Variants in KIAA1549 observed in about 807,000 individuals in gnomAD.
KIAA1549 encodes KIAA1549.
KIAA1549 carries 70 observed loss-of-function variants against 156.4 expected under a neutral mutation model. That is an observed-to-expected ratio of 0.45 (90% CI 0.37 to 0.55). The LOEUF is 0.55. Among genes scored for constraint, KIAA1549 ranks in the 20% least tolerant of loss-of-function variants. KIAA1549 has a pLI of 0.00. For synonymous variants in KIAA1549, 1,103 were observed against 1,066.4 expected, an observed-to-expected ratio of 1.03 and a Z score of -0.67; for missense variants, 2,428 against 2,540.9, an observed-to-expected ratio of 0.96 and a Z score of 0.96.
At position 138,918,603 on chromosome 7, in the gene KIAA1549, T is replaced by A; in HGVS notation, c.1023A>T (p.Thr341=). Residue 341 remains threonine, a synonymous_variant, in exon 2 of 20, where the codon ACA becomes ACT. Transcript: ENST00000422774. This position sits in a 1 kb window ranked among gnomAD's most constrained non-coding sequence, Gnocchi z 4.2. Reference sequence around the variant, plus strand: ...CGTGCGATGCAGTCACAGTGGGGTATGTTCTTGGAGAGATGGTTTCTTCTA... The same window carrying A: ...CGTGCGATGCAGTCACAGTGGGGTAAGTTCTTGGAGAGATGGTTTCTTCTA... The part of the protein sequence containing the change: ...QSLEETISPR[T]YPTVTASHAA... The A allele has an allele frequency of 6.2e-7, 1 of 1,613,936 alleles. No homozygotes were observed. The highest frequency in any genetic ancestry group is 8.5e-7 in the Non-Finnish European group (1 of 1,179,876).
At chr7:138,842,979 G>A (rs908575030) in intron 18 of KIAA1549, among the ~76,000 whole-genome samples, 4 of 152,120 alleles carry the variant, frequency 2.6e-5, no homozygotes, top group African/African-American at 9.7e-5. Context: ...GAGTGAGCCT[G>A]GATTTCCAGA....
At chr7:138,903,820 TG>T in intron 7 of KIAA1549, 84 bp from the exon 8 acceptor site, 1 of 311,402 alleles carries the variant, frequency 3.2e-6, no homozygotes, top group African/African-American at 7.4e-5. Flanking sequence ...TGTGTGTGTG[TG>T]TGTGTGTGTG....
At chr7:138,968,402 T>C (rs1269849488) in intron 1 of KIAA1549, among the ~76,000 whole-genome samples, 1 of 152,102 alleles carries the variant, frequency 6.6e-6, no homozygotes, top group Non-Finnish European at 1.5e-5. Context: ...TTACCCATCT[T>C]GTATTAATAT....
chr7:138,954,622 C>G (rs948139793), intron 1 of KIAA1549, among the ~76,000 whole-genome samples: 3 of 152,222 alleles, frequency 2.0e-5, no homozygotes, highest in East Asian at 1.9e-4. Context: ...CCCCTCCCCC[C>G]ACAACAATGC....
chr7:138,864,847 A>G (rs1377137988), intron 15 of KIAA1549, among the ~76,000 whole-genome samples: 1 of 152,248 alleles, frequency 6.6e-6, no homozygotes, highest in Non-Finnish European at 1.5e-5. Flanking sequence ...TATGAGTCAT[A>G]TAGTCTGTCA....
chr7:138,950,824 T>C (rs904558633), intron 1 of KIAA1549, among the ~76,000 whole-genome samples: 1 of 152,074 alleles, frequency 6.6e-6, no homozygotes, highest in Admixed American at 6.5e-5. Context: ...ATGCTCTCTC[T>C]ACCCTGCTGA....
At chr7:138,924,552 C>T (rs1285456668) in intron 1 of KIAA1549, among the ~76,000 whole-genome samples, 2 of 152,064 alleles carry the variant, frequency 1.3e-5, no homozygotes, top group South Asian at 2.1e-4. Context: ...GGACAGGGTA[C>T]GGGGAGGGCA....
Position 138,917,176 on chromosome 7 carries a change from G to C in KIAA1549, c.2450C>G (p.Ala817Gly), listed in dbSNP as rs1161897662. 2 of 1,613,972 alleles carry C rather than the reference G, an allele frequency of 1.2e-6. No individual in the cohort carries two copies. The highest frequency in any genetic ancestry group is 2.2e-5 in the East Asian group (1 of 44,886). The stretch of plus-strand genomic sequence containing the variant: ...CAGGACAGACACGTGACCGTCTAGA[G>C]CACTGATTTGGTCGTCAGGAGGTGT... ...TLTPPDDQIS[A>G]LDGHVSVLAS... The change falls in exon 2 of 20, where the codon GCT becomes GGT. Residue 817 changes from alanine to glycine, a missense_variant. By Grantham distance (60) the Ala-to-Gly change is moderately conservative. Around this residue, in one of 5 missense-constraint regions of KIAA1549, gnomAD observed 762 missense variants for 901.6 expected, o/e 0.85. Coordinates refer to ENST00000422774, the MANE Select transcript of KIAA1549 (RefSeq NM_001164665.2).
rs920024728 is a variant in KIAA1549, at chr7:138,981,367, C to G, written c.-98G>C. 3 of 414,536 alleles carry G rather than the reference C, an allele frequency of 7.2e-6. No homozygotes were observed. Among genetic ancestry groups the G allele is most frequent in the Non-Finnish European group, 6.4e-6 (2 of 311,668 alleles). The allele number at this position is 414,536 out of a possible 1,614,324, so 25.7% of individuals were successfully genotyped here. On this transcript the variant is annotated 5_prime_UTR_variant, in exon 1 of 20. Transcript: ENST00000422774. The surrounding 1 kb of genome is among the most constrained non-coding windows in gnomAD (Gnocchi z 4.5). ...GCGGCTGGGACGGGGCGCCGCGCACCGGCGCGGAGGGAGGCCGGAGAGGCG... is the reference window on the plus strand; with the variant it reads ...GCGGCTGGGACGGGGCGCCGCGCACGGGCGCGGAGGGAGGCCGGAGAGGCG...
chr7:138,921,486 A>C (rs1479790893), intron 1 of KIAA1549, among the ~76,000 whole-genome samples: 1 of 152,198 alleles, frequency 6.6e-6, no homozygotes, highest in Non-Finnish European at 1.5e-5. Context: ...ATTCGGAAAC[A>C]GGGTCAGTGT....
chr7:138,837,701 A>G lies in KIAA1549; in HGVS notation c.*205T>C. 1.7e-6 allele frequency: 1 copy of G among 600,342 alleles called. No individual in the cohort carries two copies. The highest frequency in any genetic ancestry group is 2.8e-5 in the East Asian group (1 of 35,564). 37.2% of individuals were successfully genotyped at this position (600,342 alleles called of 1,614,324 possible). A position where few individuals can be genotyped will look rare whatever the true frequency, so the allele number is the denominator to read the frequency against. Reference sequence around the variant, plus strand: ...AATACATATATTTCAACTGAACCCAAGTGTTCAGACAATTGCCAGCCCAGT... The same window carrying G: ...AATACATATATTTCAACTGAACCCAGGTGTTCAGACAATTGCCAGCCCAGT... On this transcript the variant is annotated 3_prime_UTR_variant, in exon 20 of 20. Coordinates refer to ENST00000422774, the MANE Select transcript of KIAA1549 (RefSeq NM_001164665.2).
chr7:138,841,482 T>C (rs1463230530), intron 18 of KIAA1549, among the ~76,000 whole-genome samples: 2 of 152,248 alleles, frequency 1.3e-5, no homozygotes, highest in African/African-American at 2.4e-5. Context: ...TAATACACAA[T>C]GTTTTTCTCC....
At position 138,912,403 on chromosome 7, in the gene KIAA1549, C is replaced by T; in HGVS notation, c.2936G>A (p.Arg979Lys). 6.2e-7 allele frequency: 1 copy of T among 1,613,920 alleles called. No homozygotes were observed. The highest frequency in any genetic ancestry group is 8.5e-7 in the Non-Finnish European group (1 of 1,179,848). ...YIITAIKEVL[R>K]IHFNRAVELK... Reference sequence around the variant, plus strand: ...TTCCACTGCACGGTTGAAGTGAATCCTCAGTACTTCTTTGATTGCTGTAAT... The same window carrying T: ...TTCCACTGCACGGTTGAAGTGAATCTTCAGTACTTCTTTGATTGCTGTAAT... The change falls in exon 3 of 20, where the codon AGG (arginine) becomes AAG (lysine). Residue 979 changes from arginine to lysine, a missense_variant. This residue lies in a region of KIAA1549 where 762 missense variants were observed against 901.6 expected (regional missense o/e 0.85). Coordinates refer to ENST00000422774, the MANE Select transcript of KIAA1549 (RefSeq NM_001164665.2).
intron 1 of KIAA1549, among the ~76,000 whole-genome samples, chr7:138,953,054 C>A (rs572320126): frequency 6.6e-6 from 1 of 152,306 alleles, no homozygotes; most frequent in African/African-American, 2.4e-5. Flanking sequence ...TTCTGAATCA[C>A]TCGTCTTAAA....
intron 6 of KIAA1549, among the ~76,000 whole-genome samples, chr7:138,906,198 T>C (rs1812001211): frequency 1.3e-5 from 2 of 152,230 alleles, no homozygotes; most frequent in South Asian, 4.1e-4. Flanking sequence ...AAAAAAGTGG[T>C]CCAGGTGAAA....
At chr7:138,885,065 C>G (rs763821836) in intron 10 of KIAA1549, among the ~76,000 whole-genome samples, 2 of 152,042 alleles carry the variant, frequency 1.3e-5, no homozygotes, top group African/African-American at 4.8e-5. Context: ...CGTGGTGGCA[C>G]GTGCCTGTAA....
intron 1 of KIAA1549, among the ~76,000 whole-genome samples, chr7:138,972,675 G>T (rs1814254637): frequency 1.3e-5 from 2 of 151,968 alleles, no homozygotes; most frequent in Non-Finnish European, 1.5e-5. Flanking sequence ...CCTTCCACCA[G>T]TCCCTCCGAT....
chr7:138,866,209 T>A (rs1239979850), intron 15 of KIAA1549, among the ~76,000 whole-genome samples: 2 of 152,098 alleles, frequency 1.3e-5, no homozygotes, highest in Admixed American at 6.6e-5. Context: ...TCCCCATGAG[T>A]AGATCAAGAA....
At chr7:138,869,433 C>G in intron 14 of KIAA1549, 105 bp downstream of exon 14, 2 of 864,384 alleles carry the variant, frequency 2.3e-6, no homozygotes, top group Non-Finnish European at 3.6e-6. Flanking sequence ...TGGGGTCCTT[C>G]TGTCACAGGC....
Sources: allele counts gnomAD v4.1 joint callset (sites outside exome capture counted in the v4.1 genomes callset), GRCh38; gene constraint gnomAD v4.1.1; regional missense constraint gnomAD v4.1.1; non-coding constraint Gnocchi (gnomAD v3.1); transcripts MANE v1.5; gene names NCBI Gene and HGNC (gene_info 2026-07-23, HGNC 2026-07-21).